FAM117B: variants seen among roughly 807,000 people sequenced by gnomAD.
The protein encoded by FAM117B is protein FAM117B.
A neutral mutation model predicts 52.8 loss-of-function variants in FAM117B; 22 were observed. That is an observed-to-expected ratio of 0.42 (90% confidence interval 0.30 to 0.59). The LOEUF is 0.59. FAM117B is among the 20% of genes least tolerant of loss of function. The pLI, the probability that FAM117B is intolerant of heterozygous loss-of-function variation, is 0.22. For missense variants in FAM117B, 678 were observed against 802.6 expected (o/e 0.84, Z 1.88); for synonymous variants, 309 against 324.1 (o/e 0.95, Z 0.50).
intron 1 of FAM117B, among the ~76,000 whole-genome samples, chr2:202,645,982 A>C (rs920837575): frequency 1.5e-4 from 22 of 150,826 alleles, no homozygotes; most frequent in Non-Finnish European, 7.4e-5. Flanking sequence ...CTTCAAGAGC[A>C]CTTGCCTTGC....
At chr2:202,757,783 T>G (rs1244797785) in intron 6 of FAM117B, among the ~76,000 whole-genome samples, 2 of 152,248 alleles carry the variant, frequency 1.3e-5, no homozygotes, top group Non-Finnish European at 2.9e-5. Context: ...TTTTATTACC[T>G]TAATGCTTTT....
rs1321529404 is a variant in FAM117B at position 202,635,555 on chromosome 2, C to T, written c.368C>T (p.Thr123Ile). Residue 123 changes from threonine (T) to isoleucine (I), a missense_variant, in exon 1 of 8, where the codon ACC (threonine) becomes ATC (isoleucine). Around this residue, in one of 3 missense-constraint regions of FAM117B, gnomAD observed 583 missense variants for 644.8 expected, o/e 0.90. Coordinates refer to ENST00000392238, the MANE Select transcript of FAM117B (RefSeq NM_173511.4). ...GCGTCCGCGACGTCCACGCGAGGCA[C>T]CAGCCCCACGCGCAGCGCCGCGCCT... is the stretch of plus-strand genomic sequence containing the variant. Reference protein sequence around the residue: ...TGASATSTRGTSPTRSAAPGA... With the variant: ...TGASATSTRGISPTRSAAPGA... The T allele has an allele frequency of 4.1e-6, 5 of 1,205,514 alleles. No homozygotes were observed. Among genetic ancestry groups the T allele is most frequent in the Non-Finnish European group, 5.1e-6 (5 of 974,368 alleles). The allele number at this position is 1,205,514 out of a possible 1,614,324, so 74.7% of individuals were successfully genotyped here. A position where few individuals can be genotyped will look rare whatever the true frequency, so the allele number is the denominator to read the frequency against.
intron 1 of FAM117B, among the ~76,000 whole-genome samples, chr2:202,655,461 A>G (rs939283925): frequency 5.9e-5 from 9 of 152,026 alleles, no homozygotes; most frequent in Non-Finnish European, 1.2e-4. Context: ...GTCTTTGGCT[A>G]ATATTTTGTT....
chr2:202,716,541 C>T (rs1559108565), intron 2 of FAM117B, among the ~76,000 whole-genome samples: 2 of 151,754 alleles, frequency 1.3e-5, no homozygotes, highest in African/African-American at 4.8e-5. Context: ...TTTAGTGTAT[C>T]TGTTGTTGTA....
chr2:202,672,281 C>T lies in FAM117B; in HGVS notation c.602-23600C>T, dbSNP rs56739215. ...AGGCTGGAGTGCAGTGGCACGATCCCGGCTCACTACAACCTTCACCTCCTG... is the reference window on the plus strand; with the variant it reads ...AGGCTGGAGTGCAGTGGCACGATCCTGGCTCACTACAACCTTCACCTCCTG... On this transcript the variant is annotated intron_variant, in intron 1 of 7. Coordinates refer to ENST00000392238, the MANE Select transcript of FAM117B (RefSeq NM_173511.4). Among the ~76,000 whole-genome samples the T allele has an allele frequency of 5.1e-3, 774 of 152,304 alleles. 3 individuals carry two copies. The highest frequency in any genetic ancestry group is 0.017 in the African/African-American group (722 of 41,554).
chr2:202,663,002 CTA>C (rs1222643568), intron 1 of FAM117B, among the ~76,000 whole-genome samples: 2 of 152,110 alleles, frequency 1.3e-5, no homozygotes, highest in Non-Finnish European at 2.9e-5. Flanking sequence ...TAAGAAATAA[CTA>C]TTTTTAGCTT....
In FAM117B at chr2:202,755,182, C is replaced by CT. The variant is rs554708448; in HGVS notation, c.961-355dup. On this transcript the variant is annotated intron_variant, in intron 4 of 7. Coordinates refer to ENST00000392238, the MANE Select transcript of FAM117B (RefSeq NM_173511.4). ...CCATGATTTGGGTGAGACATCCAAA[C>CT]TGTATCATTGTGGCACTAGGAGAGT... 5.6e-3 allele frequency among the ~76,000 whole-genome samples: 853 copies of CT among 152,294 alleles called. 7 individuals carry two copies. The highest frequency in any genetic ancestry group is 9.3e-3 in the Non-Finnish European group (631 of 68,020).
intron 1 of FAM117B, among the ~76,000 whole-genome samples, chr2:202,692,689 G>T (rs975027963): frequency 6.6e-6 from 1 of 152,106 alleles, no homozygotes; most frequent in Non-Finnish European, 1.5e-5. Context: ...GAAATTTTAC[G>T]TATCATCTTC....
chr2:202,754,181 A>C (rs1691765206), intron 4 of FAM117B, among the ~76,000 whole-genome samples: 1 of 152,234 alleles, frequency 6.6e-6, no homozygotes, highest in Non-Finnish European at 1.5e-5. Context: ...TACTTCATGG[A>C]ATACTATGCA....
chr2:202,721,133 A>G (rs532913953), intron 2 of FAM117B, among the ~76,000 whole-genome samples: 55 of 151,098 alleles, frequency 3.6e-4, no homozygotes, highest in African/African-American at 1.2e-3. Context: ...GGAGAGGTAT[A>G]AACCAACTTT....
At chr2:202,741,811 G>A (rs1047426916) in intron 4 of FAM117B, among the ~76,000 whole-genome samples, 35 of 152,120 alleles carry the variant, frequency 2.3e-4, no homozygotes, top group African/African-American at 7.2e-4. Flanking sequence ...GGGATTACAG[G>A]CTTGAGCCAC....
intron 2 of FAM117B, among the ~76,000 whole-genome samples, chr2:202,696,614 C>T (rs1278694107): frequency 2.6e-5 from 4 of 152,146 alleles, no homozygotes; most frequent in Non-Finnish European, 5.9e-5. Context: ...GACCATCTAA[C>T]TTTACGTTTT....
At chr2:202,764,327 C>T (rs560386985) in intron 7 of FAM117B, among the ~76,000 whole-genome samples, 11 of 152,088 alleles carry the variant, frequency 7.2e-5, no homozygotes, top group Middle Eastern at 3.4e-3. Flanking sequence ...TGCAGTGGCC[C>T]GATTATGGCT....
chr2:202,671,389 C>T (rs1481314288), intron 1 of FAM117B, among the ~76,000 whole-genome samples: 1 of 152,206 alleles, frequency 6.6e-6, no homozygotes, highest in Non-Finnish European at 1.5e-5. Flanking sequence ...GAGAATATGC[C>T]TCTGGATTGT....
intron 7 of FAM117B, among the ~76,000 whole-genome samples, chr2:202,761,089 G>C (rs1432977813): frequency 1.3e-5 from 2 of 152,164 alleles, no homozygotes; most frequent in African/African-American, 2.4e-5. Context: ...GTAGAGATGG[G>C]GTTTTGGCAT....
intron 1 of FAM117B, among the ~76,000 whole-genome samples, chr2:202,647,395 A>G (rs1689888188): frequency 6.6e-6 from 1 of 152,196 alleles, no homozygotes; most frequent in African/African-American, 2.4e-5. Context: ...TCAAAACTGA[A>G]AAAAACAGTT....
intron 4 of FAM117B, among the ~76,000 whole-genome samples, chr2:202,743,384 T>C (rs1197892366): frequency 6.6e-6 from 1 of 151,782 alleles, no homozygotes; most frequent in Admixed American, 6.6e-5. Context: ...GATAAATCTA[T>C]AGGAAAAAGG....
chr2:202,701,322 C>T (rs890842461), intron 2 of FAM117B, among the ~76,000 whole-genome samples: 3 of 152,184 alleles, frequency 2.0e-5, no homozygotes, highest in Admixed American at 2.0e-4. Flanking sequence ...CAAAAGATTA[C>T]TTTCAGAATG....
intron 1 of FAM117B, among the ~76,000 whole-genome samples, chr2:202,654,773 G>A (rs1317228685): frequency 1.3e-5 from 2 of 151,418 alleles, no homozygotes; most frequent in Non-Finnish European, 2.9e-5. Flanking sequence ...TCAAATAGGC[G>A]GCAAGAAAAT....
Sources: allele counts gnomAD v4.1 joint callset (sites outside exome capture counted in the v4.1 genomes callset), GRCh38; gene constraint gnomAD v4.1.1; regional missense constraint gnomAD v4.1.1; transcripts MANE v1.5; gene names NCBI Gene and HGNC (gene_info 2026-07-23, HGNC 2026-07-21).